KCNMA1: variants seen among roughly 807,000 people sequenced by gnomAD.
The protein encoded by KCNMA1 is potassium calcium-activated channel subfamily M alpha 1.
Under a neutral mutation model 140.0 loss-of-function variants are expected in KCNMA1, and 29 were observed. That is an observed-to-expected ratio of 0.21 (90% CI 0.15 to 0.28). KCNMA1 has a LOEUF of 0.28. Among genes scored for constraint, KCNMA1 ranks in the 10% least tolerant of loss-of-function variants. The pLI, the probability that KCNMA1 is intolerant of heterozygous loss-of-function variation, is 1.00. For missense variants in KCNMA1, 880 were observed against 1,602.2 expected (o/e 0.55, Z 7.70); for synonymous variants, 612 against 611.9 (o/e 1.00, Z 0.00).
chr10:77,072,517 A>G (rs1424934247), intron 14 of KCNMA1, among the ~76,000 whole-genome samples: 1 of 151,910 alleles, frequency 6.6e-6, no homozygotes, highest in African/African-American at 2.4e-5. Flanking sequence ...CAAGGACATG[A>G]ACACATCCAG....
intron 1 of KCNMA1, among the ~76,000 whole-genome samples, chr10:77,429,693 A>G (rs886272620): frequency 1.3e-5 from 2 of 152,324 alleles, no homozygotes; most frequent in East Asian, 3.9e-4. Flanking sequence ...GTTTGACCTA[A>G]CATCTTGCAA....
At chr10:77,115,695 T>C (rs1032292872) in intron 6 of KCNMA1, among the ~76,000 whole-genome samples, 7 of 152,200 alleles carry the variant, frequency 4.6e-5, no homozygotes, top group Non-Finnish European at 1.0e-4. Flanking sequence ...CTCTAAATGA[T>C]GGTTACAGTG....
At chr10:77,034,213 G>A (rs1012716369) in intron 15 of KCNMA1, among the ~76,000 whole-genome samples, 14 of 146,360 alleles carry the variant, frequency 9.6e-5, no homozygotes, top group East Asian at 2.0e-4. Flanking sequence ...CACTGCACTC[G>A]AGCTTGGGCT....
chr10:77,447,825 C>CA (rs1388586329), intron 1 of KCNMA1, among the ~76,000 whole-genome samples: 1 of 152,220 alleles, frequency 6.6e-6, no homozygotes, highest in African/African-American at 2.4e-5. Flanking sequence ...TAGGTGCCAA[C>CA]AGCATCTCTC....
intron 5 of KCNMA1, among the ~76,000 whole-genome samples, chr10:77,167,356 C>T (rs140378840): frequency 1.2e-4 from 18 of 152,292 alleles, no homozygotes; most frequent in Non-Finnish European, 2.4e-4. Context: ...ATTCACTCTC[C>T]TGCTAGAGAC....
chr10:77,353,049 CT>C (rs2093082626), intron 2 of KCNMA1, among the ~76,000 whole-genome samples: 1 of 152,184 alleles, frequency 6.6e-6, no homozygotes, highest in South Asian at 2.1e-4. Flanking sequence ...GATCCAGCCC[CT>C]TGTATTTTTC....
chr10:77,271,831 C>A (rs1565634083), intron 2 of KCNMA1, among the ~76,000 whole-genome samples: 3 of 152,112 alleles, frequency 2.0e-5, no homozygotes. Flanking sequence ...CAACCCCACA[C>A]CCTGGGGGAA....
intron 5 of KCNMA1, among the ~76,000 whole-genome samples, chr10:77,166,364 T>C (rs2098642261): frequency 6.6e-6 from 1 of 152,164 alleles, no homozygotes; most frequent in South Asian, 2.1e-4. Context: ...TTTGGTGTTA[T>C]AGGCAGATGC....
chr10:77,255,680 G>A (rs1346321447), intron 2 of KCNMA1, among the ~76,000 whole-genome samples: 3 of 152,014 alleles, frequency 2.0e-5, no homozygotes, highest in African/African-American at 2.4e-5. Flanking sequence ...TTGGGAGGCC[G>A]AGGTGGGGGG....
intron 19 of KCNMA1, among the ~76,000 whole-genome samples, chr10:76,975,616 G>C (rs1366814541): frequency 6.6e-6 from 1 of 152,206 alleles, no homozygotes; most frequent in Non-Finnish European, 1.5e-5. Context: ...AGGCAAGCCA[G>C]GCAATGGAGC....
intron 19 of KCNMA1, among the ~76,000 whole-genome samples, chr10:76,982,562 T>C (rs1046895780): frequency 6.6e-6 from 1 of 152,048 alleles, no homozygotes; most frequent in Non-Finnish European, 1.5e-5. Context: ...CTGTATAAAC[T>C]GTAAGAAAGT....
intron 22 of KCNMA1, among the ~76,000 whole-genome samples, chr10:76,948,264 C>A (rs1306653107): frequency 6.6e-6 from 1 of 152,150 alleles, no homozygotes; most frequent in Non-Finnish European, 1.5e-5. Context: ...CCTCAGCATC[C>A]CAAAATGCAG....
At chr10:77,232,931 G>T (rs948533870) in intron 3 of KCNMA1, among the ~76,000 whole-genome samples, 1 of 145,108 alleles carries the variant, frequency 6.9e-6, no homozygotes, top group Non-Finnish European at 1.5e-5. Flanking sequence ...CTGTCACCCA[G>T]ACTGGAGTGC....
At chr10:76,933,192 G>T (rs1285523032) in intron 23 of KCNMA1, among the ~76,000 whole-genome samples, 1 of 152,150 alleles carries the variant, frequency 6.6e-6, no homozygotes, top group Non-Finnish European at 1.5e-5. Context: ...CAGGTATTTG[G>T]CTGCTTTATC....
At chr10:77,460,637 G>A (rs533263270) in intron 1 of KCNMA1, among the ~76,000 whole-genome samples, 1 of 152,066 alleles carries the variant, frequency 6.6e-6, no homozygotes, top group African/African-American at 2.4e-5. Context: ...ACTGGAGGCC[G>A]TTATCCTAAG....
chr10:77,509,779 C>A (rs548379269), intron 1 of KCNMA1, among the ~76,000 whole-genome samples: 2 of 152,106 alleles, frequency 1.3e-5, no homozygotes, highest in Non-Finnish European at 2.9e-5. Context: ...CAAAAATTAA[C>A]GTTATGTTTT....
intron 1 of KCNMA1, among the ~76,000 whole-genome samples, chr10:77,470,352 G>T (rs575216214): frequency 1.2e-4 from 19 of 152,174 alleles, no homozygotes; most frequent in Non-Finnish European, 2.6e-4. Context: ...TGTCACTAAA[G>T]CTGCTTACTG....
Position 77,086,542 on chromosome 10 carries a change from C to T in KCNMA1, c.1386G>A (p.Gln462=), listed in dbSNP as rs778546494. Residue 462 remains glutamine, a synonymous_variant, in exon 11 of 28, where the codon CAG becomes CAA. Coordinates refer to ENST00000286628, the MANE Select transcript of KCNMA1 (RefSeq NM_001161352.2). ...GGACGGAACCCTGATAAAATTCCACCTGAGTAAAATGTCGTTTGAACAGAG... is the reference window on the plus strand; with the variant it reads ...GGACGGAACCCTGATAAAATTCCACTTGAGTAAAATGTCGTTTGAACAGAG... ...LEALFKRHFT[Q]VEFYQGSVLN... The T allele has an allele frequency of 5.0e-6, 8 of 1,613,960 alleles. No homozygotes were observed. Among genetic ancestry groups the T allele is most frequent in the Non-Finnish European group, 6.8e-6 (8 of 1,179,972 alleles).
chr10:77,364,858 A>G (rs2094241087), intron 2 of KCNMA1, among the ~76,000 whole-genome samples: 1 of 152,220 alleles, frequency 6.6e-6, no homozygotes, highest in African/African-American at 2.4e-5. Flanking sequence ...CCTGCCTCTG[A>G]TTAAACAGAG....
Sources: allele counts gnomAD v4.1 joint callset (sites outside exome capture counted in the v4.1 genomes callset), GRCh38; gene constraint gnomAD v4.1.1; transcripts MANE v1.5; gene names NCBI Gene and HGNC (gene_info 2026-07-23, HGNC 2026-07-21).